GAPDHS: variants seen among roughly 807,000 people sequenced by gnomAD.
GAPDHS encodes glyceraldehyde-3-phosphate dehydrogenase, spermatogenic, also known as glyceraldehyde-3-phosphate dehydrogenase, testis-specific.
Under a neutral mutation model 48.7 loss-of-function variants are expected in GAPDHS, and 42 were observed. The observed-to-expected ratio is 0.86, with a 90% confidence interval of 0.67 to 1.12. The LOEUF (loss-of-function observed/expected upper bound fraction) is 1.12, where lower values mean the gene tolerates loss of function less well. Ranked by LOEUF, GAPDHS falls within the 50% of genes most tolerant of loss-of-function variation. The pLI, the probability that GAPDHS is intolerant of heterozygous loss-of-function variation, is 0.00. For missense variants in GAPDHS, 512 were observed against 557.7 expected, an observed-to-expected ratio of 0.92 and a Z score of 0.82; for synonymous variants, 166 against 219.1, an observed-to-expected ratio of 0.76 and a Z score of 2.14.
intron 4 of GAPDHS, among the ~76,000 whole-genome samples, chr19:35,539,271 C>T (rs911097756): frequency 2.6e-5 from 4 of 152,230 alleles, no homozygotes; most frequent in Non-Finnish European, 5.9e-5. Flanking sequence ...CCCTTCAACC[C>T]ACACCTATTC....
chr19:35,535,858 C>T (rs957461645), intron 1 of GAPDHS, among the ~76,000 whole-genome samples: 5 of 151,988 alleles, frequency 3.3e-5, no homozygotes, highest in African/African-American at 1.2e-4. Context: ...CACCCTCCGC[C>T]TCCCAGGTTC....
chr19:35,544,977 C>A lies in GAPDHS; in HGVS notation c.1125C>A (p.Leu375=). The A allele has an allele frequency of 6.2e-7, 1 of 1,613,824 alleles. No individual in the cohort carries two copies. Among genetic ancestry groups the A allele is most frequent in the Non-Finnish European group, 8.5e-7 (1 of 1,179,682 alleles). ...SIFDAKAGIA[L]NDNFVKLISW... ...TCGATGCTAAGGCCGGCATTGCGCT[C>A]AATGACAATTTCGTGAAGCTCATTT... The change falls in exon 10 of 11, where the codon CTC becomes CTA. Residue 375 remains leucine (L), a synonymous_variant. Coordinates refer to ENST00000222286, the MANE Select transcript of GAPDHS (RefSeq NM_014364.5).
rs770294359 is a variant in GAPDHS, at chr19:35,536,987, A to G, written c.242A>G (p.Asn81Ser). 129 of 1,612,938 alleles carry G rather than the reference A, an allele frequency of 8.0e-5. No homozygotes were observed. Among genetic ancestry groups the G allele is most frequent in the African/African-American group, 2.8e-4 (21 of 74,978 alleles). ...SVARELTVGINGFGRIGRLVL... is the reference protein window; with the variant it reads ...SVARELTVGISGFGRIGRLVL... Reference sequence around the variant, plus strand: ...GCCCGGGAGCTGACTGTGGGCATCAATGGGTGAGTCTACTCCAGCCCCTGA... The same window carrying G: ...GCCCGGGAGCTGACTGTGGGCATCAGTGGGTGAGTCTACTCCAGCCCCTGA... Residue 81 changes from asparagine to serine, a missense_variant, in exon 2 of 11, where the codon AAT (asparagine) becomes AGT (serine). By Grantham distance (46) the Asn-to-Ser change is conservative (BLOSUM62 1). Transcript: ENST00000222286.
chr19:35,541,970 A>G, intron 4 of GAPDHS: 1 of 278,988 alleles, frequency 3.6e-6, no homozygotes, highest in Non-Finnish European at 7.0e-6. Context: ...ACAGTCACAG[A>G]GTCCACGTCC....
intron 1 of GAPDHS, among the ~76,000 whole-genome samples, chr19:35,533,945 C>T (rs2071448507): frequency 2.6e-5 from 4 of 152,186 alleles, no homozygotes; most frequent in African/African-American, 9.6e-5. Flanking sequence ...GCTGGGCTTC[C>T]ATGTAAAAGT....
At position 35,533,506 on chromosome 19, in the gene GAPDHS, A is replaced by C. The variant is rs2071444834; in HGVS notation, c.-22A>C. The C allele has an allele frequency of 6.2e-7, 1 of 1,609,752 alleles. No individual in the cohort carries two copies. Among genetic ancestry groups the C allele is most frequent in the African/African-American group, 1.3e-5 (1 of 74,856 alleles). ...GGTAACATCACAGCAGGTCCAGGCC[A>C]ATGATAACCTTATAAGAGGCCATGT... On this transcript the variant is annotated 5_prime_UTR_variant, in exon 1 of 11. Transcript: ENST00000222286.
intron 4 of GAPDHS, 105 bp from the exon 5 acceptor site, chr19:35,542,214 C>G (rs1353734303): frequency 1.3e-6 from 1 of 752,220 alleles, no homozygotes; most frequent in Non-Finnish European, 2.4e-6. Flanking sequence ...CAGGTGGTTG[C>G]AGGTGGGCCG....
chr19:35,538,567 T>G lies in GAPDHS; in HGVS notation c.343-10T>G. 1 of 1,549,334 alleles carries G rather than the reference T, an allele frequency of 6.5e-7. No homozygotes were observed. Among genetic ancestry groups the G allele is most frequent in the Non-Finnish European group, 8.9e-7 (1 of 1,121,434 alleles). ...CACCCCAAGACTAGGAGCCATTCCA[T>G]CCCCCACAGGTGTACATGTTTAAGT... On this transcript the variant is annotated splice_polypyrimidine_tract_variant and intron_variant, in intron 3 of 10. Transcript: ENST00000222286.
chr19:35,536,859 C>T lies in GAPDHS; in HGVS notation c.114C>T (p.Pro38=), dbSNP rs770955107. Residue 38 remains proline (P), a synonymous_variant, in exon 2 of 11, where the codon CCC becomes CCT. Transcript: ENST00000222286. ...CTGAGCCTAAGGCTGAAGTAGAGCCCCAGCCACAACCAGAGCCCACACCAG... is the reference window on the plus strand; with the variant it reads ...CTGAGCCTAAGGCTGAAGTAGAGCCTCAGCCACAACCAGAGCCCACACCAG... ...PPPEPKAEVE[P]QPQPEPTPVR... The T allele has an allele frequency of 1.9e-6, 3 of 1,613,976 alleles. No individual in the cohort carries two copies. The highest frequency in any genetic ancestry group is 2.5e-6 in the Non-Finnish European group (3 of 1,179,890).
At chr19:35,535,888 GC>G in intron 1 of GAPDHS, among the ~76,000 whole-genome samples, 1 of 151,608 alleles carries the variant, frequency 6.6e-6, no homozygotes, top group Non-Finnish European at 1.5e-5. Flanking sequence ...TCTTGCCTCA[GC>G]CCCCCGAGGA....
intron 2 of GAPDHS, 67 bp from the exon 3 acceptor site, chr19:35,538,240 C>G: frequency 9.2e-7 from 1 of 1,090,626 alleles, no homozygotes; most frequent in South Asian, 1.3e-5. Context: ...CCCAACCAGG[C>G]TCCTTGAGGG....
Position 35,542,370 on chromosome 19 carries a change from G to A in GAPDHS, c.501G>A (p.Val167=), listed in dbSNP as rs751575230. Residue 167 remains valine, a synonymous_variant, in exon 5 of 11, where the codon GTG becomes GTA. Transcript: ENST00000222286. The part of the protein sequence containing the change: ...PWRAVGSPYV[V]ESTGVYLSIQ... ...GGGCTGTCGGGAGCCCCTACGTGGT[G>A]GAGTCCACAGGCGTGTACCTCTCCA... The A allele has an allele frequency of 1.2e-6, 2 of 1,612,962 alleles. No individual in the cohort carries two copies. The highest frequency in any genetic ancestry group is 1.3e-5 in the African/African-American group (1 of 74,866).
intron 3 of GAPDHS, 32 bp from the exon 4 acceptor site, chr19:35,538,545 C>T: frequency 7.0e-7 from 1 of 1,433,088 alleles, no homozygotes; most frequent in Non-Finnish European, 9.8e-7. Flanking sequence ...ACCCTGCCAC[C>T]CCAAGACTAG....
chr19:35,535,828 G>A (rs2071462470), intron 1 of GAPDHS, among the ~76,000 whole-genome samples: 1 of 149,854 alleles, frequency 6.7e-6, no homozygotes, highest in Admixed American at 6.6e-5. Flanking sequence ...GGAGTGCAGT[G>A]GCGCAATCTC....
At chr19:35,536,716 G>A (rs1044427683) in intron 1 of GAPDHS, 97 bp from the exon 2 acceptor site, 32 of 1,000,564 alleles carry the variant, frequency 3.2e-5, no homozygotes, top group South Asian at 1.2e-4. Context: ...TGGTCACGAG[G>A]GGCCAGGAGC....
chr19:35,544,801 T>C (rs2071533110), intron 9 of GAPDHS, 108 bp from the exon 10 acceptor site: 1 of 756,354 alleles, frequency 1.3e-6, no homozygotes, highest in Non-Finnish European at 2.4e-6. Context: ...CTACATCAAA[T>C]ATTATAGATG....
rs77803013 is a variant in GAPDHS, at chr19:35,543,456, G to A, written c.858G>A (p.Ala286=). 1,560 of 1,606,446 alleles carry A rather than the reference G, an allele frequency of 9.7e-4. 16 individuals carry two copies. In the African/African-American group the frequency reaches 0.018, roughly 18 times the overall value. ...QNIIPASTGA[A]KAVTKVIPEL... Reference sequence around the variant, plus strand: ...TCATCCCAGCCTCCACTGGGGCTGCGAAAGCTGTGACCAAAGTCATCCCAG... The same window carrying A: ...TCATCCCAGCCTCCACTGGGGCTGCAAAAGCTGTGACCAAAGTCATCCCAG... Residue 286 remains alanine, a synonymous_variant, in exon 8 of 11, where the codon GCG becomes GCA. Coordinates refer to ENST00000222286, the MANE Select transcript of GAPDHS (RefSeq NM_014364.5).
At chr19:35,543,945 T>C (rs1227286294) in intron 9 of GAPDHS, 118 bp downstream of exon 9, 2 of 1,430,874 alleles carry the variant, frequency 1.4e-6, no homozygotes, top group South Asian at 1.5e-5. Flanking sequence ...GGAAGGGAGA[T>C]CTCCCTGCCT....
chr19:35,544,032 C>T, intron 9 of GAPDHS: 1 of 910,208 alleles, frequency 1.1e-6, no homozygotes, highest in Non-Finnish European at 1.5e-6. Context: ...GTCCTTACTT[C>T]CTCCAAGTCT....
Sources: gnomAD v4.1 joint callset for allele counts (sites outside exome capture counted in the v4.1 genomes callset) on GRCh38, gnomAD v4.1.1 for gene constraint, MANE v1.5 for transcripts, NCBI Gene and HGNC (gene_info 2026-07-23, HGNC 2026-07-21) for gene names.